The following CHST8 variants were observed in gnomAD, a reference collection of about 807,000 sequenced individuals.
CHST8 encodes the protein GALNAC-4-ST1.
In CHST8, 10 loss-of-function variants were observed where a neutral mutation model predicts 15.0. The ratio of observed to expected loss-of-function variants is 0.67; its 90% CI spans 0.41 to 1.13. CHST8 has a LOEUF of 1.13. CHST8 is among the 50% of genes most tolerant of loss of function. The pLI, the probability that CHST8 is intolerant of heterozygous loss-of-function variation, is 0.00. For synonymous variants in CHST8, 259 were observed against 256.6 expected (o/e 1.01, Z -0.09); for missense variants, 634 against 608.2 (o/e 1.04, Z -0.45).
chr19:33,673,624 G>A (rs907804466), intron 2 of CHST8, among the ~76,000 whole-genome samples: 1 of 152,210 alleles, frequency 6.6e-6, no homozygotes, highest in African/African-American at 2.4e-5. Flanking sequence ...AGGGTCCCAG[G>A]ACGTGCACTT....
intron 3 of CHST8, among the ~76,000 whole-genome samples, chr19:33,745,161 G>A (rs1974288831): frequency 6.6e-6 from 1 of 152,210 alleles, no homozygotes; most frequent in African/African-American, 2.4e-5. Flanking sequence ...GGGATTACAG[G>A]TGTGAGCCAC....
At chr19:33,729,214 C>T (rs1292661008) in intron 3 of CHST8, among the ~76,000 whole-genome samples, 1 of 152,262 alleles carries the variant, frequency 6.6e-6, no homozygotes, top group African/African-American at 2.4e-5. Flanking sequence ...GCAGCTGGGG[C>T]TGCAGTCTCA....
chr19:33,677,978 A>T (rs778998235), intron 2 of CHST8, among the ~76,000 whole-genome samples: 1 of 152,066 alleles, frequency 6.6e-6, no homozygotes, highest in Non-Finnish European at 1.5e-5. Flanking sequence ...AGGTGTTGAG[A>T]TGGGGAGCTG....
chr19:33,757,494 G>T lies in CHST8; in HGVS notation c.131-13919G>T, dbSNP rs1599630031. 2.5e-4 allele frequency among the ~76,000 whole-genome samples: 12 copies of T among 47,086 alleles called. 1 individual carries two copies. Among genetic ancestry groups the T allele is most frequent in the South Asian group, 1.3e-3 (2 of 1,562 alleles). 30.9% of individuals were successfully genotyped at this position (47,086 alleles called of 152,430 possible). A position where few individuals can be genotyped will look rare whatever the true frequency, so the allele number is the denominator to read the frequency against. ...AGAAAGAAAGAAAGAAAGAAAGAAAGAAAGAAAGAAAGAAAGAAAGAAAGA... is the reference window on the plus strand; with the variant it reads ...AGAAAGAAAGAAAGAAAGAAAGAAATAAAGAAAGAAAGAAAGAAAGAAAGA... On this transcript the variant is annotated intron_variant, in intron 3 of 4. Coordinates refer to ENST00000650847, the MANE Select transcript of CHST8 (RefSeq NM_001127895.2).
intron 1 of CHST8, among the ~76,000 whole-genome samples, chr19:33,639,510 G>A (rs553958880): frequency 1.3e-5 from 2 of 152,308 alleles, no homozygotes; most frequent in East Asian, 3.9e-4. Context: ...ATGCCAGGTT[G>A]CGGCAGAAAA....
At chr19:33,649,460 G>A (rs551629747) in intron 1 of CHST8, among the ~76,000 whole-genome samples, 2 of 152,274 alleles carry the variant, frequency 1.3e-5, no homozygotes, top group Non-Finnish European at 2.9e-5. Context: ...CCTGAAAACC[G>A]AAAGCAAGCA....
intron 2 of CHST8, among the ~76,000 whole-genome samples, chr19:33,676,518 C>T (rs1043580201): frequency 1.3e-5 from 2 of 151,946 alleles, no homozygotes; most frequent in African/African-American, 4.8e-5. Flanking sequence ...TGCAGTGAGC[C>T]AAGGTCGTGC....
intron 3 of CHST8, among the ~76,000 whole-genome samples, chr19:33,768,618 A>T (rs918583171): frequency 6.6e-6 from 1 of 151,730 alleles, no homozygotes; most frequent in African/African-American, 2.4e-5. Context: ...CACCCAGCTA[A>T]TTTTTTTGTA....
intron 3 of CHST8, among the ~76,000 whole-genome samples, chr19:33,757,455 A>G (rs1599629597): frequency 7.9e-5 from 3 of 38,016 alleles, no homozygotes; most frequent in Non-Finnish European, 1.7e-4. Flanking sequence ...AGAAAGAAAG[A>G]AAGAAAGAAA....
At chr19:33,753,364 C>A (rs577017575) in intron 3 of CHST8, among the ~76,000 whole-genome samples, 91 of 150,680 alleles carry the variant, frequency 6.0e-4, no homozygotes, top group African/African-American at 2.2e-3. Context: ...ATTATCCTCC[C>A]ACCCACCATC....
At chr19:33,681,935 C>A (rs1017490245) in intron 2 of CHST8, among the ~76,000 whole-genome samples, 1 of 151,148 alleles carries the variant, frequency 6.6e-6, no homozygotes, top group Non-Finnish European at 1.5e-5. Context: ...GTCATGACCT[C>A]GCCTCACTGC....
In CHST8 at chr19:33,728,338, C is replaced by A. The variant is rs554250836; in HGVS notation, c.130+38947C>A. ...TATGCAGATGCTGCTTTTGGGGCGG[C>A]TTCTGTAGCCAGGGCGGTGCCCTCT... On this transcript the variant is annotated intron_variant, in intron 3 of 4. Coordinates refer to ENST00000650847, the MANE Select transcript of CHST8 (RefSeq NM_001127895.2). Among the ~76,000 whole-genome samples, 23 of 152,368 alleles carry A rather than the reference C, an allele frequency of 1.5e-4. No individual in the cohort carries two copies. In the South Asian group the frequency reaches 4.6e-3, roughly 30 times the overall value.
At chr19:33,676,674 A>G (rs964075110) in intron 2 of CHST8, among the ~76,000 whole-genome samples, 2 of 152,006 alleles carry the variant, frequency 1.3e-5, no homozygotes, top group African/African-American at 2.4e-5. Flanking sequence ...CCAGGAGTTT[A>G]AGACCAGCCT....
intron 2 of CHST8, among the ~76,000 whole-genome samples, chr19:33,673,117 C>T (rs1246226688): frequency 6.6e-6 from 1 of 152,114 alleles, no homozygotes; most frequent in Non-Finnish European, 1.5e-5. Flanking sequence ...GCTGTGTGGT[C>T]CGTGGGCGAG....
rs773456931 is a variant in CHST8, at chr19:33,730,401, C to T, written c.130+41010C>T. ...GGTTAATCATAGAAGCTGTCTCAGG[C>T]GACATTGTAAGAATTAAATGAGATA... is the stretch of plus-strand genomic sequence containing the variant. On this transcript the variant is annotated intron_variant, in intron 3 of 4. Coordinates refer to ENST00000650847, the MANE Select transcript of CHST8 (RefSeq NM_001127895.2). Among the ~76,000 whole-genome samples, 13 of 152,268 alleles carry T rather than the reference C, an allele frequency of 8.5e-5. No individual in the cohort carries two copies. In the East Asian group the frequency reaches 1.5e-3, roughly 18 times the overall value.
intron 2 of CHST8, among the ~76,000 whole-genome samples, chr19:33,674,917 G>A (rs547586549): frequency 6.6e-6 from 1 of 152,364 alleles, no homozygotes; most frequent in South Asian, 2.1e-4. Flanking sequence ...CTCCCAGCTG[G>A]TGGCCACAGG....
intron 3 of CHST8, among the ~76,000 whole-genome samples, 190 bp from the exon 4 acceptor site, chr19:33,771,223 G>A (rs528298688): frequency 6.6e-6 from 1 of 152,238 alleles, no homozygotes; most frequent in South Asian, 2.1e-4. Context: ...TGTTTGCTGC[G>A]TCCCCATTTT....
chr19:33,679,416 C>T (rs1053845932), intron 2 of CHST8, among the ~76,000 whole-genome samples: 8 of 152,186 alleles, frequency 5.3e-5, no homozygotes, highest in Admixed American at 3.3e-4. Flanking sequence ...ACTTTTAACC[C>T]AAATAATTCA....
chr19:33,668,812 G>A (rs181768412), intron 2 of CHST8, among the ~76,000 whole-genome samples: 5 of 152,210 alleles, frequency 3.3e-5, no homozygotes, highest in East Asian at 1.9e-4. Context: ...CGTGACACTC[G>A]TATTAGGATA....
Sources: allele counts gnomAD v4.1 joint callset (sites outside exome capture counted in the v4.1 genomes callset), GRCh38; gene constraint gnomAD v4.1.1; transcripts MANE v1.5; gene names NCBI Gene and HGNC (gene_info 2026-07-23, HGNC 2026-07-21).